The following BDH1 variants were observed in gnomAD, a reference collection of about 807,000 sequenced individuals.
BDH1 encodes the protein 3-hydroxybutyrate dehydrogenase 1, also known as D-beta-hydroxybutyrate dehydrogenase, mitochondrial.
Under a neutral mutation model 33.1 loss-of-function variants are expected in BDH1, and 30 were observed. The ratio of observed to expected loss-of-function variants is 0.91; its 90% CI spans 0.68 to 1.23. The LOEUF (loss-of-function observed/expected upper bound fraction) is 1.23, where lower values mean the gene tolerates loss of function less well. BDH1 is among the 50% of genes most tolerant of loss of function. BDH1 has a pLI of 0.00. For missense variants in BDH1, 443 were observed against 464.4 expected (o/e 0.95, Z 0.42); for synonymous variants, 190 against 183.6 (o/e 1.03, Z -0.28).
chr3:197,513,434 C>G (rs1370694909), intron 7 of BDH1, among the ~76,000 whole-genome samples: 3 of 146,636 alleles, frequency 2.0e-5, no homozygotes, highest in African/African-American at 5.0e-5. Flanking sequence ...GGGCCCTCAG[C>G]CCATCCAGGT....
At chr3:197,566,739 T>C (rs1403650243) in intron 1 of BDH1, among the ~76,000 whole-genome samples, 3 of 152,202 alleles carry the variant, frequency 2.0e-5, no homozygotes, top group Non-Finnish European at 4.4e-5. Flanking sequence ...GCCTAACGTT[T>C]CTTGATTTTT....
At chr3:197,555,069 G>T (rs1266714613) in intron 1 of BDH1, among the ~76,000 whole-genome samples, 1 of 152,232 alleles carries the variant, frequency 6.6e-6, no homozygotes, top group African/African-American at 2.4e-5. Flanking sequence ...GCGCCGCCTG[G>T]ACTCCCACCC....
chr3:197,545,151 A>C (rs991917233), intron 3 of BDH1, among the ~76,000 whole-genome samples: 1 of 152,116 alleles, frequency 6.6e-6, no homozygotes. Context: ...ACTCCCCTCA[A>C]ATATAACAGA....
At chr3:197,563,592 G>A (rs911077947) in intron 1 of BDH1, among the ~76,000 whole-genome samples, 2 of 152,092 alleles carry the variant, frequency 1.3e-5, no homozygotes, top group African/African-American at 4.8e-5. Context: ...AATACTTGTA[G>A]ACAAACTCAT....
intron 7 of BDH1, among the ~76,000 whole-genome samples, chr3:197,512,905 G>A (rs951671546): frequency 6.6e-6 from 1 of 152,146 alleles, no homozygotes; most frequent in African/African-American, 2.4e-5. Flanking sequence ...GAGTGCAGAC[G>A]AGGAAGTACC....
intron 2 of BDH1, among the ~76,000 whole-genome samples, chr3:197,550,516 C>T (rs1195559445): frequency 6.6e-6 from 1 of 152,194 alleles, no homozygotes; most frequent in Non-Finnish European, 1.5e-5. Flanking sequence ...ATGCTTTGGT[C>T]ACGGAGGACT....
intron 3 of BDH1, 155 bp from the exon 4 acceptor site, chr3:197,533,716 C>T: frequency 1.5e-6 from 1 of 673,474 alleles, no homozygotes; most frequent in African/African-American, 1.8e-5. Context: ...ACCAGGGTTG[C>T]TGGCTGATAG....
At chr3:197,564,034 G>A (rs189705773) in intron 1 of BDH1, among the ~76,000 whole-genome samples, 32 of 150,710 alleles carry the variant, frequency 2.1e-4, no homozygotes, top group African/African-American at 6.9e-4. Flanking sequence ...CCCAGGAAGC[G>A]GAGGTTGCAG....
At chr3:197,531,167 G>A (rs1259275759) in intron 5 of BDH1, among the ~76,000 whole-genome samples, 1 of 152,074 alleles carries the variant, frequency 6.6e-6, no homozygotes, top group Non-Finnish European at 1.5e-5. Flanking sequence ...AGGCCAAGGT[G>A]AGTGGATCAC....
intron 6 of BDH1, among the ~76,000 whole-genome samples, chr3:197,519,130 G>T (rs1339468042): frequency 6.6e-6 from 1 of 151,514 alleles, no homozygotes; most frequent in Non-Finnish European, 1.5e-5. Context: ...CTGCTCTGTG[G>T]TCTCCATCCC....
intron 6 of BDH1, among the ~76,000 whole-genome samples, chr3:197,519,557 G>A (rs542053190): frequency 9.2e-4 from 140 of 152,036 alleles, no homozygotes; most frequent in African/African-American, 3.0e-3. Flanking sequence ...CCAGCTCCTC[G>A]GGAGGCTGAG....
At chr3:197,517,075 T>C (rs911251754) in intron 6 of BDH1, among the ~76,000 whole-genome samples, 1 of 152,008 alleles carries the variant, frequency 6.6e-6, no homozygotes, top group Non-Finnish European at 1.5e-5. Flanking sequence ...AGTTCTTCCT[T>C]CCTGTTTCCA....
At chr3:197,560,613 T>C (rs1053293146), upstream of BDH1, among the ~76,000 whole-genome samples, 13 of 152,216 alleles carry the variant, frequency 8.5e-5, no homozygotes, top group Admixed American at 7.9e-4. Flanking sequence ...GTACCCTTTC[T>C]GTAGAAAGTA....
chr3:197,517,248 C>A (rs1384305692), intron 6 of BDH1, among the ~76,000 whole-genome samples: 1 of 128,380 alleles, frequency 7.8e-6, no homozygotes, highest in African/African-American at 2.9e-5. Flanking sequence ...CTCAGGCCGA[C>A]CCCCGCATCA....
rs1002797253 is a variant in BDH1, at chr3:197,510,038, G to C, written c.*1857C>G. 1 of 152,324 alleles carries C rather than the reference G, an allele frequency of 6.6e-6. No individual in the cohort carries two copies. The highest frequency in any genetic ancestry group is 2.4e-5 in the African/African-American group (1 of 41,470). 9.4% of individuals were successfully genotyped at this position (152,324 alleles called of 1,614,324 possible). A position where few individuals can be genotyped will look rare whatever the true frequency, so the allele number is the denominator to read the frequency against. On this transcript the variant is annotated 3_prime_UTR_variant, in exon 8 of 8. Transcript: ENST00000392379. ...GACAGCGGGGACAACGGCCCGGGAG[G>C]CAGCTGAATTGCCCATTGTGAGGCC...
intron 1 of BDH1, among the ~76,000 whole-genome samples, chr3:197,564,917 G>T (rs1717384279): frequency 6.6e-6 from 1 of 151,980 alleles, no homozygotes; most frequent in South Asian, 2.1e-4. Flanking sequence ...GCTGTGTTTT[G>T]TTTTTTGTTT....
chr3:197,537,446 C>T (rs1715253162), intron 3 of BDH1, among the ~76,000 whole-genome samples: 1 of 152,176 alleles, frequency 6.6e-6, no homozygotes, highest in Non-Finnish European at 1.5e-5. Context: ...CTTCTATGTA[C>T]ACAATCATGT....
intron 1 of BDH1, among the ~76,000 whole-genome samples, chr3:197,563,963 G>A (rs7635416): frequency 0.036 from 5,446 of 151,992 alleles, 305 homozygotes; most frequent in African/African-American, 0.12. Context: ...TTAGCCAGGC[G>A]TGGTGGTAGG....
chr3:197,515,264 G>T, intron 6 of BDH1: 2 of 984,734 alleles, frequency 2.0e-6, no homozygotes, highest in Non-Finnish European at 2.4e-6. Flanking sequence ...ATTTATTAGG[G>T]AAAGGAAATT....
Sources: gnomAD v4.1 joint callset for allele counts (sites outside exome capture counted in the v4.1 genomes callset) on GRCh38, gnomAD v4.1.1 for gene constraint, MANE v1.5 for transcripts, NCBI Gene and HGNC (gene_info 2026-07-23, HGNC 2026-07-21) for gene names.